GALNTL6: variants seen among roughly 807,000 people sequenced by gnomAD.
The protein encoded by GALNTL6 is polypeptide N-acetylgalactosaminyltransferase like 6.
In GALNTL6, 46 loss-of-function variants were observed where a neutral mutation model predicts 73.7. The observed-to-expected ratio is 0.62, with a 90% CI of 0.49 to 0.80. The LOEUF is 0.80. Among genes scored for constraint, GALNTL6 ranks in the 30% least tolerant of loss-of-function variants. The probability of loss-of-function intolerance (pLI) is 0.00; values close to 1 mark genes in which losing one functional copy is unlikely to be tolerated. For missense variants in GALNTL6, 604 were observed against 755.0 expected (o/e 0.80, Z 2.34); for synonymous variants, 259 against 263.7 (o/e 0.98, Z 0.17).
chr4:171,900,464 C>T (rs1019825859), intron 2 of GALNTL6, among the ~76,000 whole-genome samples: 7 of 147,240 alleles, frequency 4.8e-5, no homozygotes, highest in Non-Finnish European at 8.9e-5. Context: ...TGTGCCACCA[C>T]ACTCGGCTAA....
At chr4:172,792,450 A>G (rs537183049) in intron 5 of GALNTL6, among the ~76,000 whole-genome samples, 7 of 152,234 alleles carry the variant, frequency 4.6e-5, no homozygotes, top group African/African-American at 1.7e-4. Context: ...TAAAAAAGTG[A>G]GGAAAAATGA....
intron 2 of GALNTL6, among the ~76,000 whole-genome samples, chr4:171,953,815 G>A (rs1451066336): frequency 6.6e-6 from 1 of 152,052 alleles, no homozygotes; most frequent in African/African-American, 2.4e-5. Context: ...AGACAGTAAA[G>A]GCATGGGGAT....
At chr4:172,580,305 C>T (rs1417937128) in intron 5 of GALNTL6, among the ~76,000 whole-genome samples, 1 of 152,076 alleles carries the variant, frequency 6.6e-6, no homozygotes, top group Non-Finnish European at 1.5e-5. Flanking sequence ...AAGAAATATA[C>T]TTGGGAATTG....
intron 2 of GALNTL6, among the ~76,000 whole-genome samples, chr4:171,933,486 A>G (rs1046017675): frequency 6.6e-6 from 1 of 152,200 alleles, no homozygotes; most frequent in African/African-American, 2.4e-5. Context: ...AAGTATCTAT[A>G]AATGAGAAAT....
At chr4:172,767,201 T>C (rs1738454029) in intron 5 of GALNTL6, among the ~76,000 whole-genome samples, 1 of 152,184 alleles carries the variant, frequency 6.6e-6, no homozygotes, top group Non-Finnish European at 1.5e-5. Flanking sequence ...ACCAAAATGA[T>C]GCAATTTATC....
At chr4:172,752,044 C>CA (rs1737453308) in intron 5 of GALNTL6, among the ~76,000 whole-genome samples, 1 of 83,620 alleles carries the variant, frequency 1.2e-5, no homozygotes. Flanking sequence ...TCAACTTAAA[C>CA]TTAAAAAAAA....
At chr4:172,203,966 G>A (rs989760059) in intron 2 of GALNTL6, among the ~76,000 whole-genome samples, 9 of 151,950 alleles carry the variant, frequency 5.9e-5, no homozygotes, top group Admixed American at 6.6e-5. Flanking sequence ...GGCAGGTCTC[G>A]AACTAACGAC....
chr4:172,348,368 A>G (rs1003470398), intron 4 of GALNTL6, among the ~76,000 whole-genome samples, 155 bp from the exon 5 acceptor site: 1 of 152,234 alleles, frequency 6.6e-6, no homozygotes, highest in Non-Finnish European at 1.5e-5. Context: ...TCCGTGAAGG[A>G]GCAGGATAAC....
chr4:172,632,759 C>T (rs1381825701), intron 5 of GALNTL6, among the ~76,000 whole-genome samples: 2 of 152,212 alleles, frequency 1.3e-5, no homozygotes, highest in East Asian at 3.9e-4. Flanking sequence ...CCCCTTCCAT[C>T]ACATGCCTAG....
chr4:171,886,653 T>C lies in GALNTL6; in HGVS notation c.138+71935T>C, dbSNP rs573185400. 2.0e-5 allele frequency among the ~76,000 whole-genome samples: 3 copies of C among 152,210 alleles called. No homozygotes were observed. In the South Asian group the frequency reaches 6.2e-4, roughly 32 times the overall value. On this transcript the variant is annotated intron_variant, in intron 2 of 12. Coordinates refer to ENST00000506823, the MANE Select transcript of GALNTL6 (RefSeq NM_001034845.3). ...CATGGCAGAAGGTGAAGGACACGTG[T>C]CATATGGTGGCAATCAAGAGAAAAG...
At position 172,379,639 on chromosome 4, in the gene GALNTL6, AC is replaced by A. The variant is rs1236321959; in HGVS notation, c.553+30952del. Among the ~76,000 whole-genome samples the A allele has an allele frequency of 1.1e-4, 16 of 150,530 alleles. No individual in the cohort carries two copies. In the South Asian group the frequency reaches 2.1e-3, roughly 20 times the overall value. ...GGAGCTCATAAATTAAAATAAAACT[AC>A]CTCCCCCCTGAAAAAAATAAAATAA... On this transcript the variant is annotated intron_variant, in intron 5 of 12. Transcript: ENST00000506823.
intron 2 of GALNTL6, among the ~76,000 whole-genome samples, chr4:172,059,168 G>A (rs962913252): frequency 4.6e-5 from 7 of 152,166 alleles, no homozygotes; most frequent in African/African-American, 1.7e-4. Flanking sequence ...AAAAAGGAAG[G>A]GGGTTTGCTT....
In GALNTL6 at chr4:172,125,869, A is replaced by G. The variant is rs1406410954; in HGVS notation, c.139-103787A>G. Among the ~76,000 whole-genome samples the G allele has an allele frequency of 2.0e-5, 3 of 152,094 alleles. No individual in the cohort carries two copies. In the East Asian group the frequency reaches 5.8e-4, roughly 29 times the overall value. ...TCTACTTACTTCCTTCTAAGTCCAT[A>G]TTTTGATACAAACTTTTAATAACCT... On this transcript the variant is annotated intron_variant, in intron 2 of 12. Coordinates refer to ENST00000506823, the MANE Select transcript of GALNTL6 (RefSeq NM_001034845.3).
At chr4:172,840,561 T>C (rs2056903208) in intron 7 of GALNTL6, among the ~76,000 whole-genome samples, 1 of 152,220 alleles carries the variant, frequency 6.6e-6, no homozygotes, top group Admixed American at 6.5e-5. Context: ...CCAACATTTA[T>C]TGAACAGCTA....
intron 12 of GALNTL6, 103 bp downstream of exon 12, chr4:173,021,728 T>C (rs1752999153): frequency 1.7e-6 from 2 of 1,212,100 alleles, no homozygotes; most frequent in Non-Finnish European, 2.4e-6. Context: ...GCGCAGTCAC[T>C]CACACCTGTA....
At chr4:172,029,793 T>C (rs1741709667) in intron 2 of GALNTL6, among the ~76,000 whole-genome samples, 1 of 152,130 alleles carries the variant, frequency 6.6e-6, no homozygotes. Flanking sequence ...ACTAGTTCTA[T>C]GAACTCTAGC....
intron 3 of GALNTL6, among the ~76,000 whole-genome samples, chr4:172,259,800 G>C (rs1273791862): frequency 6.6e-6 from 1 of 151,522 alleles, no homozygotes; most frequent in Non-Finnish European, 1.5e-5. Context: ...TGAGAGAGGA[G>C]GATTGAGTTT....
chr4:172,540,446 C>G (rs1329403020), intron 5 of GALNTL6, among the ~76,000 whole-genome samples: 2 of 151,434 alleles, frequency 1.3e-5, no homozygotes, highest in African/African-American at 4.8e-5. Flanking sequence ...CCTATTAATG[C>G]AAAAAATAAA....
intron 2 of GALNTL6, among the ~76,000 whole-genome samples, chr4:171,861,356 G>A (rs905892008): frequency 2.6e-5 from 4 of 152,160 alleles, no homozygotes; most frequent in African/African-American, 9.7e-5. Flanking sequence ...TATTCTGTCA[G>A]TGTTGAAGTC....
Sources: gnomAD v4.1 joint callset for allele counts (sites outside exome capture counted in the v4.1 genomes callset) on GRCh38, gnomAD v4.1.1 for gene constraint, MANE v1.5 for transcripts, NCBI Gene and HGNC (gene_info 2026-07-23, HGNC 2026-07-21) for gene names.